PTPRG: variants seen among roughly 807,000 people sequenced by gnomAD.
The protein encoded by PTPRG is receptor-type tyrosine-protein phosphatase gamma.
In PTPRG, 102 loss-of-function variants were observed where a neutral mutation model predicts 165.3. The observed-to-expected ratio is 0.62, with a 90% CI of 0.53 to 0.73. PTPRG has a LOEUF of 0.73. Ranked by LOEUF, PTPRG falls within the 30% of genes least tolerant of loss-of-function variation. The pLI, the probability that PTPRG is intolerant of heterozygous loss-of-function variation, is 0.00. For synonymous variants in PTPRG, 675 were observed against 669.5 expected, an observed-to-expected ratio of 1.01 and a Z score of -0.13; for missense variants, 1,866 against 1,861.4, an observed-to-expected ratio of 1.00 and a Z score of -0.05.
intron 16 of PTPRG, among the ~76,000 whole-genome samples, chr3:62,258,968 G>T (rs1701615406): frequency 6.6e-6 from 1 of 152,232 alleles, no homozygotes; most frequent in African/African-American, 2.4e-5. Flanking sequence ...CCATGAGTCA[G>T]AAGAATTAAC....
At chr3:61,770,983 C>T (rs541649405) in intron 2 of PTPRG, 71 of 152,132 alleles carry the variant, frequency 4.7e-4, no homozygotes, top group African/African-American at 1.6e-3. Flanking sequence ...TAGAGTTATC[C>T]TTTCTTCTGG....
chr3:62,030,429 A>AT (rs138956096), intron 4 of PTPRG, among the ~76,000 whole-genome samples: 19,849 of 152,168 alleles, frequency 0.13, 1,601 homozygotes, highest in Admixed American at 0.23. Context: ...ACTAATTAGT[A>AT]TTTTTTAATG....
At chr3:61,590,789 T>G (rs747694709) in intron 1 of PTPRG, among the ~76,000 whole-genome samples, 6 of 152,180 alleles carry the variant, frequency 3.9e-5, no homozygotes, top group Admixed American at 6.5e-5. Context: ...TAGCATAGTC[T>G]TTTTAGTTAC....
At chr3:62,201,897 G>T (rs927807166) in intron 11 of PTPRG, among the ~76,000 whole-genome samples, 1 of 152,060 alleles carries the variant, frequency 6.6e-6, no homozygotes, top group Non-Finnish European at 1.5e-5. Context: ...TGTCATTTGC[G>T]TAAAGTTATA....
intron 2 of PTPRG, among the ~76,000 whole-genome samples, chr3:61,880,075 A>G (rs1156231712): frequency 6.6e-5 from 10 of 152,188 alleles, no homozygotes; most frequent in Admixed American, 6.5e-4. Flanking sequence ...CAGCACCACT[A>G]GTTTTTGATT....
chr3:62,066,841 C>T (rs1701029184), intron 4 of PTPRG, among the ~76,000 whole-genome samples: 1 of 152,010 alleles, frequency 6.6e-6, no homozygotes, highest in African/African-American at 2.4e-5. Flanking sequence ...AGATCTAGAC[C>T]ATCCTGCTCA....
At chr3:62,030,586 C>T (rs1174153132) in intron 4 of PTPRG, among the ~76,000 whole-genome samples, 1 of 152,100 alleles carries the variant, frequency 6.6e-6, no homozygotes, top group Non-Finnish European at 1.5e-5. Flanking sequence ...ATTGATCAAT[C>T]AGTTGACCAG....
intron 2 of PTPRG, among the ~76,000 whole-genome samples, chr3:61,798,906 C>T (rs922281104): frequency 3.9e-5 from 6 of 152,036 alleles, no homozygotes; most frequent in Non-Finnish European, 7.4e-5. Context: ...TAGAGCTGTG[C>T]GGTACAGAGC....
intron 6 of PTPRG, among the ~76,000 whole-genome samples, chr3:62,147,015 C>T (rs1413089623): frequency 6.6e-6 from 1 of 152,154 alleles, no homozygotes; most frequent in Non-Finnish European, 1.5e-5. Context: ...TGTAACAGAG[C>T]CTACAACCTG....
At chr3:61,685,466 A>G (rs1477462173) in intron 1 of PTPRG, among the ~76,000 whole-genome samples, 1 of 152,236 alleles carries the variant, frequency 6.6e-6, no homozygotes, top group Non-Finnish European at 1.5e-5. Flanking sequence ...AGCAGAAGTA[A>G]AGGGAAGAAG....
chr3:61,806,432 C>A (rs1431512358), intron 2 of PTPRG, among the ~76,000 whole-genome samples: 5 of 152,166 alleles, frequency 3.3e-5, no homozygotes, highest in Non-Finnish European at 7.4e-5. Flanking sequence ...TCATCCTTAT[C>A]CAGGTTCTGA....
At chr3:62,111,050 C>A (rs1241902398) in intron 5 of PTPRG, among the ~76,000 whole-genome samples, 2 of 152,246 alleles carry the variant, frequency 1.3e-5, no homozygotes, top group African/African-American at 4.8e-5. Flanking sequence ...CTTTACACAG[C>A]CAAGATTCTT....
intron 2 of PTPRG, among the ~76,000 whole-genome samples, chr3:61,975,251 C>G (rs1394463826): frequency 6.6e-6 from 1 of 152,114 alleles, no homozygotes; most frequent in East Asian, 1.9e-4. Flanking sequence ...TAACCCTCTG[C>G]CCTCACATGC....
chr3:62,017,006 T>G (rs1575892310), intron 4 of PTPRG, among the ~76,000 whole-genome samples: 1 of 152,220 alleles, frequency 6.6e-6, no homozygotes, highest in East Asian at 1.9e-4. Context: ...ATTTCTTTAC[T>G]TATTTATTAA....
chr3:61,645,407 G>A (rs190711170), intron 1 of PTPRG, among the ~76,000 whole-genome samples: 17 of 152,296 alleles, frequency 1.1e-4, no homozygotes, highest in African/African-American at 3.8e-4. Flanking sequence ...TGAGGTTCAG[G>A]TTTCCAGCCT....
intron 4 of PTPRG, among the ~76,000 whole-genome samples, chr3:62,073,519 C>T (rs1701277729): frequency 6.6e-6 from 1 of 151,886 alleles, no homozygotes; most frequent in Non-Finnish European, 1.5e-5. Flanking sequence ...CACTCTGTTG[C>T]CGAGGCTGGA....
chr3:62,162,876 C>T (rs1232354465), intron 7 of PTPRG, among the ~76,000 whole-genome samples: 2 of 152,160 alleles, frequency 1.3e-5, no homozygotes, highest in Non-Finnish European at 2.9e-5. Flanking sequence ...CTCTTGGTTC[C>T]CGTGCCTGCA....
chr3:62,258,135 C>T (rs2106996651), intron 16 of PTPRG, among the ~76,000 whole-genome samples: 1 of 152,178 alleles, frequency 6.6e-6, no homozygotes, highest in African/African-American at 2.4e-5. Context: ...ATTAGCTGCC[C>T]ATTACATGAT....
chr3:62,012,126 C>T lies in PTPRG; in HGVS notation c.519+8629C>T, dbSNP rs9818791. Among the ~76,000 whole-genome samples, 34 of 152,078 alleles carry T rather than the reference C, an allele frequency of 2.2e-4. No homozygotes were observed. The South Asian group carries it at 5.4e-3, about 24-fold the overall frequency. ...TATTGTAGATGCAATTTAATAGACA[C>T]GACCTATATCAGGCACTTTCTAGAT... On this transcript the variant is annotated intron_variant, in intron 4 of 29. Coordinates refer to ENST00000474889, the MANE Select transcript of PTPRG (RefSeq NM_002841.4).
Sources: gnomAD v4.1 joint callset for allele counts (sites outside exome capture counted in the v4.1 genomes callset) on GRCh38, gnomAD v4.1.1 for gene constraint, MANE v1.5 for transcripts, NCBI Gene and HGNC (gene_info 2026-07-23, HGNC 2026-07-21) for gene names.